Variants in CNNM1 observed in about 807,000 individuals in gnomAD.
CNNM1 encodes metal transporter CNNM1.
CNNM1 carries 44 observed loss-of-function variants against 78.8 expected under a neutral mutation model. The observed-to-expected ratio is 0.56, with a 90% confidence interval of 0.44 to 0.72. The LOEUF is 0.72. CNNM1 is among the 30% of genes least tolerant of loss of function. CNNM1 has a pLI of 0.00. For synonymous variants in CNNM1, 584 were observed against 581.5 expected (o/e 1.00, Z -0.06); for missense variants, 1,101 against 1,292.2 (o/e 0.85, Z 2.27).
At chr10:99,336,552 A>C (rs1381518176) in intron 1 of CNNM1, among the ~76,000 whole-genome samples, 1 of 152,232 alleles carries the variant, frequency 6.6e-6, no homozygotes, top group East Asian at 1.9e-4. Context: ...TTATTCACTG[A>C]TTTTATTCAA....
At chr10:99,368,060 C>T (rs1008593565) in intron 6 of CNNM1, among the ~76,000 whole-genome samples, 1 of 152,252 alleles carries the variant, frequency 6.6e-6, no homozygotes, top group African/African-American at 2.4e-5. Context: ...TATTGTTCTT[C>T]CTTTATCCCT....
In CNNM1 at chr10:99,377,139, C is replaced by G; in HGVS notation, c.2261C>G (p.Thr754Ser). 1 of 1,612,800 alleles carries G rather than the reference C, an allele frequency of 6.2e-7. No homozygotes were observed. Among genetic ancestry groups the G allele is most frequent in the Non-Finnish European group, 8.5e-7 (1 of 1,179,474 alleles). The change falls in exon 7 of 11, where the codon ACC (threonine) becomes AGC (serine). Residue 754 changes from threonine (T) to serine (S), a missense_variant. Around this residue, in one of 3 missense-constraint regions of CNNM1, gnomAD observed 348 missense variants for 384.5 expected, o/e 0.90. Transcript: ENST00000356713. ...RERSDFGGSNTQLYSSSNNLY... is the reference protein window; with the variant it reads ...RERSDFGGSNSQLYSSSNNLY... The stretch of plus-strand genomic sequence containing the variant: ...CGCAGTGACTTTGGGGGCAGCAACA[C>G]CCAGCTGTACAGCAGCAGCAACAAC...
rs749770265 is a variant in CNNM1, at chr10:99,377,065, C to A, written c.2187C>A (p.Ser729=). 6.4e-7 allele frequency: 1 copy of A among 1,563,362 alleles called. No homozygotes were observed. The highest frequency in any genetic ancestry group is 8.7e-7 in the Non-Finnish European group (1 of 1,153,880). The change falls in exon 7 of 11, where the codon TCC becomes TCA. Residue 729 remains serine, a synonymous_variant. Coordinates refer to ENST00000356713, the MANE Select transcript of CNNM1 (RefSeq NM_020348.3). ...TCTCACCATCTGCAGTAAACCGGTC[C>A]CCTTCTCGCTGCAGTGGGTTGAATC... The part of the protein sequence containing the change: ...LAGSSVFLNR[S]PSRCSGLNRS...
chr10:99,384,008 A>G (rs765290637), intron 7 of CNNM1, among the ~76,000 whole-genome samples: 2 of 152,250 alleles, frequency 1.3e-5, no homozygotes, highest in Non-Finnish European at 2.9e-5. Context: ...CACTTTAACT[A>G]ATCACATGAT....
intron 6 of CNNM1, among the ~76,000 whole-genome samples, chr10:99,373,543 G>C (rs1420566720): frequency 6.6e-6 from 1 of 152,232 alleles, no homozygotes; most frequent in Admixed American, 6.5e-5. Context: ...GGCCAAGCCA[G>C]AACTCATCAA....
At chr10:99,361,686 G>C (rs1181874835) in intron 3 of CNNM1, among the ~76,000 whole-genome samples, 1 of 152,162 alleles carries the variant, frequency 6.6e-6, no homozygotes, top group Non-Finnish European at 1.5e-5. Context: ...TGTTATATAA[G>C]TAATATAAGT....
intron 1 of CNNM1, among the ~76,000 whole-genome samples, chr10:99,350,901 T>C (rs1413501321): frequency 6.6e-6 from 1 of 152,170 alleles, no homozygotes; most frequent in Non-Finnish European, 1.5e-5. Context: ...GAAGGATGTT[T>C]AGCTTCATCC....
chr10:99,336,191 C>A (rs538389844), intron 1 of CNNM1, among the ~76,000 whole-genome samples: 1 of 152,324 alleles, frequency 6.6e-6, no homozygotes, highest in Admixed American at 6.5e-5. Flanking sequence ...AAATTCCTGT[C>A]ACCTAGTGAT....
intron 1 of CNNM1, among the ~76,000 whole-genome samples, chr10:99,350,507 A>G (rs997327119): frequency 2.6e-5 from 4 of 152,156 alleles, no homozygotes; most frequent in Admixed American, 1.3e-4. Flanking sequence ...GCTCTTATCT[A>G]TGGATGTGCC....
rs554061427 is a variant in CNNM1 at position 99,383,514 on chromosome 10, C to T, written c.2341-4306C>T. Among the ~76,000 whole-genome samples the T allele has an allele frequency of 3.5e-4, 54 of 152,202 alleles. 1 individual carries two copies. Among genetic ancestry groups the T allele is most frequent in the Non-Finnish European group, 6.2e-4 (42 of 67,998 alleles). ...ATCTCGAACTCCTGACCTTGTGATCCGCCCGCCTCGGCCTCCCAAAGTGCT... is the reference window on the plus strand; with the variant it reads ...ATCTCGAACTCCTGACCTTGTGATCTGCCCGCCTCGGCCTCCCAAAGTGCT... On this transcript the variant is annotated intron_variant, in intron 7 of 10. Coordinates refer to ENST00000356713, the MANE Select transcript of CNNM1 (RefSeq NM_020348.3).
At chr10:99,352,395 C>A (rs546645167) in intron 1 of CNNM1, among the ~76,000 whole-genome samples, 1 of 152,274 alleles carries the variant, frequency 6.6e-6, no homozygotes, top group South Asian at 2.1e-4. Context: ...CATATGTTTT[C>A]ATTTCTCTAA....
intron 8 of CNNM1, 23 bp from the exon 9 acceptor site, chr10:99,388,129 G>A: frequency 6.2e-7 from 1 of 1,613,324 alleles, no homozygotes; most frequent in South Asian, 1.1e-5. Context: ...GCAGAGAGGT[G>A]ATGCACTCAC....
intron 7 of CNNM1, among the ~76,000 whole-genome samples, chr10:99,386,719 G>A (rs548676244): frequency 1.2e-4 from 18 of 152,088 alleles, no homozygotes; most frequent in Admixed American, 1.3e-4. Flanking sequence ...AGACCTTGCC[G>A]GATACAAAGC....
At chr10:99,365,950 G>C (rs1423989340) in intron 6 of CNNM1, among the ~76,000 whole-genome samples, 1 of 152,142 alleles carries the variant, frequency 6.6e-6, no homozygotes, top group Non-Finnish European at 1.5e-5. Flanking sequence ...CCAGTAAGTT[G>C]GTGACCGGCC....
intron 5 of CNNM1, 128 bp from the exon 6 acceptor site, chr10:99,364,827 C>T: frequency 1.2e-6 from 1 of 835,766 alleles, no homozygotes; most frequent in South Asian, 1.8e-5. Flanking sequence ...TGTTCCCTAC[C>T]CTTCCATTTA....
chr10:99,343,091 T>C (rs1337710503), intron 1 of CNNM1, among the ~76,000 whole-genome samples: 1 of 152,038 alleles, frequency 6.6e-6, no homozygotes, highest in East Asian at 1.9e-4. Context: ...TCAGCCTAAG[T>C]AGCTGGGATT....
chr10:99,370,653 T>C (rs12240957), intron 6 of CNNM1, among the ~76,000 whole-genome samples: 2,971 of 152,322 alleles, frequency 0.02, 96 homozygotes, highest in African/African-American at 0.066. Flanking sequence ...TCTTATTCAG[T>C]GCTCGATCGT....
intron 7 of CNNM1, 38 bp downstream of exon 7, chr10:99,377,256 G>A (rs923227517): frequency 3.1e-6 from 5 of 1,599,370 alleles, no homozygotes; most frequent in Non-Finnish European, 4.3e-6. Flanking sequence ...CCCTCCCAGT[G>A]GGCAGTGTTG....
chr10:99,336,245 T>G (rs2030181885), intron 1 of CNNM1, among the ~76,000 whole-genome samples: 1 of 152,228 alleles, frequency 6.6e-6, no homozygotes, highest in South Asian at 2.1e-4. Context: ...AGGCAACACA[T>G]TACCTTTACT....
Sources: allele counts gnomAD v4.1 joint callset (sites outside exome capture counted in the v4.1 genomes callset), GRCh38; gene constraint gnomAD v4.1.1; regional missense constraint gnomAD v4.1.1; transcripts MANE v1.5; gene names NCBI Gene and HGNC (gene_info 2026-07-23, HGNC 2026-07-21).